MROH2B: variants seen among roughly 807,000 people sequenced by gnomAD.
MROH2B encodes the protein maestro heat-like repeat-containing protein family member 2B.
MROH2B carries 177 observed loss-of-function variants against 208.6 expected under a neutral mutation model. The ratio of observed to expected loss-of-function variants is 0.85; its 90% CI spans 0.75 to 0.96. MROH2B has a LOEUF of 0.96. MROH2B is among the 40% of genes least tolerant of loss of function. The pLI, the probability that MROH2B is intolerant of heterozygous loss-of-function variation, is 0.00. For synonymous variants in MROH2B, 728 were observed against 659.0 expected (o/e 1.10, Z -1.60); for missense variants, 2,002 against 1,878.7 (o/e 1.07, Z -1.21).
At chr5:41,040,950 C>T (rs1335512364) in intron 19 of MROH2B, among the ~76,000 whole-genome samples, 1 of 152,098 alleles carries the variant, frequency 6.6e-6, no homozygotes, top group Non-Finnish European at 1.5e-5. Context: ...CAGTTGTGAA[C>T]CACTGTGCCC....
chr5:41,011,433 A>G (rs946880669), intron 30 of MROH2B, among the ~76,000 whole-genome samples: 2 of 152,268 alleles, frequency 1.3e-5, no homozygotes, highest in South Asian at 2.1e-4. Flanking sequence ...ACATTTATCA[A>G]TTTTGGCTGT....
intron 11 of MROH2B, among the ~76,000 whole-genome samples, 196 bp downstream of exon 11, chr5:41,054,571 G>A (rs767553902): frequency 2.6e-5 from 4 of 152,062 alleles, no homozygotes; most frequent in Non-Finnish European, 5.9e-5. Context: ...TCACTGAGAC[G>A]TCCTTTAGCT....
intron 24 of MROH2B, among the ~76,000 whole-genome samples, chr5:41,027,581 A>G (rs1742416001): frequency 6.6e-6 from 1 of 152,196 alleles, no homozygotes; most frequent in Non-Finnish European, 1.5e-5. Context: ...ACACTTTTAC[A>G]CTGTTGGTGG....
rs1743099380 is a variant in MROH2B at position 41,045,783 on chromosome 5, T to C, written c.1799A>G (p.Gln600Arg). The stretch of plus-strand genomic sequence containing the variant: ...GTTATTGCTGTAACTGCCCATTTGC[T>C]GTTTGAAATCCTGAGTCAGCTGAAT... The part of the protein sequence containing the change: ...WTIQLTQDFK[Q>R]QMGSYSNNST... The change falls in exon 18 of 42, where the codon CAG becomes CGG. Residue 600 changes from glutamine (Q) to arginine (R), a missense_variant. Coordinates refer to ENST00000399564, the MANE Select transcript of MROH2B (RefSeq NM_173489.5). 6.2e-7 allele frequency: 1 copy of C among 1,613,542 alleles called. No homozygotes were observed. The highest frequency in any genetic ancestry group is 1.3e-5 in the African/African-American group (1 of 74,914).
Position 41,000,230 on chromosome 5 carries a change from C to A in MROH2B, c.4472G>T (p.Cys1491Phe). The change falls in exon 39 of 42, where the codon TGT (cysteine) becomes TTT (phenylalanine). Residue 1491 changes from cysteine (C) to phenylalanine (F), a missense_variant. Transcript: ENST00000399564. The stretch of plus-strand genomic sequence containing the variant: ...CTATTGGACACTCACCAGTTTCACA[C>A]AGAATTGCCTGTAGAAATCCCTGGC... ...PRARDFYRQFCVKLAKKNQEI... is the reference protein window; with the variant it reads ...PRARDFYRQFFVKLAKKNQEI... The A allele has an allele frequency of 3.1e-6, 5 of 1,613,830 alleles. No homozygotes were observed. Among genetic ancestry groups the A allele is most frequent in the Non-Finnish European group, 4.2e-6 (5 of 1,179,796 alleles).
chr5:41,009,719 T>C (rs1490033514), intron 31 of MROH2B, among the ~76,000 whole-genome samples: 1 of 152,184 alleles, frequency 6.6e-6, no homozygotes, highest in Non-Finnish European at 1.5e-5. Context: ...AAAATATTAT[T>C]ATGCAATACA....
rs1743163622 is a variant in MROH2B at position 41,047,729 on chromosome 5, G to A, written c.1720C>T (p.Leu574=). 1 of 1,595,346 alleles carries A rather than the reference G, an allele frequency of 6.3e-7. No individual in the cohort carries two copies. Among genetic ancestry groups the A allele is most frequent in the Admixed American group, 1.7e-5 (1 of 57,788 alleles). The change falls in exon 17 of 42, where the codon CTG becomes TTG. Residue 574 remains leucine (L), a synonymous_variant. Transcript: ENST00000399564. ...NISTVLWETM[L]LQLLKESLWK... is the part of the protein sequence containing the mutation. Reference sequence around the variant, plus strand: ...CTAGAAGCCAGCCTTACCTGAAGCAGCATGGTTTCCCATAGAACGGTACTG... The same window carrying A: ...CTAGAAGCCAGCCTTACCTGAAGCAACATGGTTTCCCATAGAACGGTACTG...
chr5:41,049,573 G>T, intron 13 of MROH2B, 137 bp from the exon 14 acceptor site: 8 of 991,190 alleles, frequency 8.1e-6, no homozygotes, highest in South Asian at 1.8e-5. Context: ...GTCAAGATGA[G>T]ATCATTAAAG....
rs2111786778 is a variant in MROH2B at position 41,000,835 on chromosome 5, T to C, written c.4195-2A>G. 1.2e-6 allele frequency: 2 copies of C among 1,608,334 alleles called. No homozygotes were observed. The highest frequency in any genetic ancestry group is 2.2e-5 in the East Asian group (1 of 44,786). The stretch of plus-strand genomic sequence containing the variant: ...AGTCAATCTCACATCATCCTGCTCC[T>C]GTGGTGACGAATGCATGTCGTGGTG... On this transcript the variant is annotated splice_acceptor_variant, in intron 37 of 41. Coordinates refer to ENST00000399564, the MANE Select transcript of MROH2B (RefSeq NM_173489.5). LOFTEE classifies it high-confidence loss of function.
At chr5:41,030,597 T>G (rs1394774265) in intron 24 of MROH2B, among the ~76,000 whole-genome samples, 3 of 151,988 alleles carry the variant, frequency 2.0e-5, no homozygotes, top group African/African-American at 7.2e-5. Context: ...ACCATCATCA[T>G]TTTTCATAGG....
At chr5:41,068,290 T>A (rs1478323767) in intron 2 of MROH2B, among the ~76,000 whole-genome samples, 2 of 152,344 alleles carry the variant, frequency 1.3e-5, no homozygotes, top group Non-Finnish European at 1.5e-5. Flanking sequence ...TGGGCCTGCC[T>A]AACTATCTCT....
chr5:41,034,714 C>T (rs1404147604), intron 21 of MROH2B, among the ~76,000 whole-genome samples: 1 of 152,070 alleles, frequency 6.6e-6, no homozygotes, highest in East Asian at 1.9e-4. Context: ...AAAACTCCAC[C>T]AAAAGCCTGC....
At chr5:40,999,101 T>G (rs1741304725) in intron 40 of MROH2B, among the ~76,000 whole-genome samples, 1 of 152,204 alleles carries the variant, frequency 6.6e-6, no homozygotes, top group South Asian at 2.1e-4. Context: ...CTGAATTAGT[T>G]GGAACAGGCT....
chr5:41,060,389 C>A (rs1213326503), intron 6 of MROH2B, among the ~76,000 whole-genome samples: 1 of 152,144 alleles, frequency 6.6e-6, no homozygotes, highest in African/African-American at 2.4e-5. Flanking sequence ...AAAAAAAAGT[C>A]CAAACTTGTA....
At chr5:41,004,710 G>T (rs940435720) in intron 36 of MROH2B, 64 bp downstream of exon 36, 2 of 1,571,188 alleles carry the variant, frequency 1.3e-6, no homozygotes, top group East Asian at 4.5e-5. Context: ...CTAGGCGTGG[G>T]TTATTAAATC....
intron 3 of MROH2B, among the ~76,000 whole-genome samples, chr5:41,066,751 A>G (rs756219445): frequency 3.3e-5 from 5 of 152,214 alleles, no homozygotes; most frequent in Admixed American, 3.3e-4. Flanking sequence ...ACAATCTAAG[A>G]TAGTAGGTAC....
chr5:41,018,836 G>A, intron 25 of MROH2B, 47 bp downstream of exon 25: 3 of 1,613,746 alleles, frequency 1.9e-6, no homozygotes, highest in Non-Finnish European at 2.5e-6. Context: ...GAGAGAGTAA[G>A]GCCCCACTGC....
intron 29 of MROH2B, among the ~76,000 whole-genome samples, chr5:41,013,311 G>T (rs190947279): frequency 2.0e-5 from 3 of 152,170 alleles, no homozygotes; most frequent in Admixed American, 6.5e-5. Context: ...CTTTGCAATT[G>T]TTGTCTCTAG....
intron 3 of MROH2B, among the ~76,000 whole-genome samples, chr5:41,066,571 C>T (rs1024571299): frequency 2.0e-5 from 3 of 152,128 alleles, no homozygotes; most frequent in Non-Finnish European, 4.4e-5. Context: ...GAATGACAAT[C>T]GAATTCTAAG....
Sources: allele counts gnomAD v4.1 joint callset (sites outside exome capture counted in the v4.1 genomes callset), GRCh38; gene constraint gnomAD v4.1.1; transcripts MANE v1.5; gene names NCBI Gene and HGNC (gene_info 2026-07-23, HGNC 2026-07-21).